COL22A1: variants seen among roughly 807,000 people sequenced by gnomAD.
COL22A1 encodes the protein collagen type XXII alpha 1 chain.
COL22A1 carries 221 observed loss-of-function variants against 248.9 expected under a neutral mutation model. The ratio of observed to expected loss-of-function variants is 0.89; its 90% CI spans 0.80 to 0.99. COL22A1 has a LOEUF of 0.99. Ranked by LOEUF, COL22A1 falls within the 50% of genes least tolerant of loss-of-function variation. The pLI is 0.00. For missense variants in COL22A1, 2,240 were observed against 2,179.0 expected, an observed-to-expected ratio of 1.03 and a Z score of -0.56; for synonymous variants, 891 against 793.4, an observed-to-expected ratio of 1.12 and a Z score of -2.07.
intron 6 of COL22A1, among the ~76,000 whole-genome samples, chr8:138,823,224 G>A (rs145843568): frequency 8.5e-5 from 13 of 152,258 alleles, no homozygotes; most frequent in African/African-American, 2.6e-4. Context: ...TTGTCACGAG[G>A]ATTATGAGAA....
chr8:138,775,156 G>A (rs370779468), intron 16 of COL22A1, among the ~76,000 whole-genome samples: 11 of 152,326 alleles, frequency 7.2e-5, no homozygotes, highest in South Asian at 2.1e-4. Flanking sequence ...TGGGTTAGGC[G>A]AGAGGGCCTA....
intron 9 of COL22A1, among the ~76,000 whole-genome samples, chr8:138,811,342 TACACATATATAC>T (rs1563795712): frequency 1.1e-5 from 1 of 92,006 alleles, no homozygotes; most frequent in Admixed American, 1.1e-4. Flanking sequence ...CACACGTACA[TACACATATATAC>T]ACACATATAT....
At position 138,604,720 on chromosome 8, in the gene COL22A1, C is replaced by A; in HGVS notation, c.4140+14G>T. 6.2e-7 allele frequency: 1 copy of A among 1,612,122 alleles called. No individual in the cohort carries two copies. The highest frequency in any genetic ancestry group is 2.2e-5 in the East Asian group (1 of 44,852). On this transcript the variant is annotated intron_variant, in intron 59 of 64. Coordinates refer to ENST00000303045, the MANE Select transcript of COL22A1 (RefSeq NM_152888.3). Reference sequence around the variant, plus strand: ...AAAGGGTTGCCAAGGGGTGAGTGGGCGTGTGATACTTGCCTCCTTGCCTGG... The same window carrying A: ...AAAGGGTTGCCAAGGGGTGAGTGGGAGTGTGATACTTGCCTCCTTGCCTGG...
intron 12 of COL22A1, among the ~76,000 whole-genome samples, chr8:138,790,022 A>G (rs1307554727): frequency 2.6e-5 from 4 of 152,244 alleles, no homozygotes; most frequent in Non-Finnish European, 5.9e-5. Context: ...TAAAAAAATC[A>G]AAAGTGTGTG....
At chr8:138,870,073 ATG>A (rs932006471) in intron 3 of COL22A1, among the ~76,000 whole-genome samples, 21 of 151,086 alleles carry the variant, frequency 1.4e-4, no homozygotes, top group Non-Finnish European at 2.1e-4. Flanking sequence ...TATAATATGC[ATG>A]TGTGTGTGAT....
chr8:138,830,159 G>A (rs969325673), intron 5 of COL22A1, among the ~76,000 whole-genome samples: 2 of 152,188 alleles, frequency 1.3e-5, no homozygotes, highest in African/African-American at 4.8e-5. Context: ...TGTGTAATTA[G>A]AGGACCTGAG....
chr8:138,807,552 C>A (rs1817831385), intron 10 of COL22A1, among the ~76,000 whole-genome samples: 1 of 152,202 alleles, frequency 6.6e-6, no homozygotes, highest in Non-Finnish European at 1.5e-5. Context: ...CTTTCTTGCT[C>A]ATATTTGCAG....
At chr8:138,802,079 C>T (rs1357340936) in intron 11 of COL22A1, among the ~76,000 whole-genome samples, 2 of 152,110 alleles carry the variant, frequency 1.3e-5, no homozygotes, top group Admixed American at 1.3e-4. Flanking sequence ...CATTTACATG[C>T]ATCAATTTAT....
intron 41 of COL22A1, among the ~76,000 whole-genome samples, chr8:138,675,449 A>T (rs182292140): frequency 1.3e-5 from 2 of 152,204 alleles, no homozygotes; most frequent in Non-Finnish European, 2.9e-5. Context: ...TAGACCATGT[A>T]TTACTCCAGT....
rs371820692 is a variant in COL22A1 at position 138,861,835 on chromosome 8, C to A, written c.658+15915G>T. ...GGGGATGTACAGTTTGCAAAAAATT[C>A]ATCAAGCCGTACAGTTAAGATGTGT... is the stretch of plus-strand genomic sequence containing the variant. On this transcript the variant is annotated intron_variant, in intron 3 of 64. Coordinates refer to ENST00000303045, the MANE Select transcript of COL22A1 (RefSeq NM_152888.3). Among the ~76,000 whole-genome samples, 5 of 152,242 alleles carry A rather than the reference C, an allele frequency of 3.3e-5. No homozygotes were observed. In the East Asian group the frequency reaches 9.7e-4, roughly 29 times the overall value.
chr8:138,654,468 CTT>C (rs907459879), intron 45 of COL22A1, among the ~76,000 whole-genome samples: 4 of 152,080 alleles, frequency 2.6e-5, no homozygotes, highest in Admixed American at 2.0e-4. Context: ...TTTTCTTTTT[CTT>C]TTGTTTTCCT....
At chr8:138,857,856 C>T (rs1161374748) in intron 3 of COL22A1, among the ~76,000 whole-genome samples, 2 of 152,354 alleles carry the variant, frequency 1.3e-5, no homozygotes, top group East Asian at 1.9e-4. Flanking sequence ...GACTGGGCCT[C>T]CTCCCCGGGC....
intron 31 of COL22A1, 126 bp from the exon 32 acceptor site, chr8:138,700,270 T>C (rs1827847501): frequency 2.4e-6 from 2 of 845,566 alleles, no homozygotes; most frequent in Non-Finnish European, 3.8e-6. Context: ...GGAACGATTA[T>C]TAGTTTTGAC....
intron 59 of COL22A1, among the ~76,000 whole-genome samples, chr8:138,604,104 A>G (rs1818251401): frequency 6.6e-6 from 1 of 152,152 alleles, no homozygotes; most frequent in Admixed American, 6.5e-5. Flanking sequence ...GAGTAGGAAT[A>G]AGCATGGGAA....
chr8:138,892,847 G>A (rs928128212), intron 1 of COL22A1, among the ~76,000 whole-genome samples: 14 of 152,348 alleles, frequency 9.2e-5, no homozygotes, highest in African/African-American at 3.4e-4. Flanking sequence ...AGAGGGTCTG[G>A]CCTCTGCCCA....
At chr8:138,661,162 G>A (rs1057276608) in intron 43 of COL22A1, among the ~76,000 whole-genome samples, 1 of 151,978 alleles carries the variant, frequency 6.6e-6, no homozygotes, top group Admixed American at 6.6e-5. Flanking sequence ...CAAGTGGAAG[G>A]AATGGCTTTG....
chr8:138,737,634 G>T lies in COL22A1; in HGVS notation c.2086-57C>A. 3.5e-6 allele frequency: 4 copies of T among 1,139,882 alleles called. No individual in the cohort carries two copies. The South Asian group carries it at 4.9e-5, about 14-fold the overall frequency. 70.6% of individuals were successfully genotyped at this position (1,139,882 alleles called of 1,614,324 possible). A position where few individuals can be genotyped will look rare whatever the true frequency, so the allele number is the denominator to read the frequency against. ...AGCAGGCAATTGTCAACCAGAGGGG[G>T]TTTAATAATGAGTCTCGGTGGACAT... On this transcript the variant is annotated intron_variant, in intron 22 of 64. Coordinates refer to ENST00000303045, the MANE Select transcript of COL22A1 (RefSeq NM_152888.3).
intron 16 of COL22A1, among the ~76,000 whole-genome samples, chr8:138,764,464 C>T (rs1833764018): frequency 1.3e-5 from 2 of 152,222 alleles, no homozygotes; most frequent in South Asian, 4.1e-4. Context: ...TGACGCCTGC[C>T]TCAGGGTCCC....
chr8:138,635,132 A>G, intron 48 of COL22A1, 69 bp from the exon 49 acceptor site: 4 of 1,319,934 alleles, frequency 3.0e-6, no homozygotes, highest in Non-Finnish European at 4.2e-6. Context: ...GCAAATATCA[A>G]ATTTCAGAAA....
Sources: allele counts gnomAD v4.1 joint callset (sites outside exome capture counted in the v4.1 genomes callset), GRCh38; gene constraint gnomAD v4.1.1; transcripts MANE v1.5; gene names NCBI Gene and HGNC (gene_info 2026-07-23, HGNC 2026-07-21).